Variants in TMEM132D observed in about 807,000 individuals in gnomAD.
TMEM132D encodes mature OL transmembrane protein.
TMEM132D carries 21 observed loss-of-function variants against 62.3 expected under a neutral mutation model. That is an observed-to-expected ratio of 0.34 (90% CI 0.24 to 0.49). The LOEUF (loss-of-function observed/expected upper bound fraction) is 0.49, where lower values mean the gene tolerates loss of function less well. TMEM132D is among the 20% of genes least tolerant of loss of function. TMEM132D has a pLI of 0.99. For synonymous variants in TMEM132D, 621 were observed against 575.6 expected (o/e 1.08, Z -1.13); for missense variants, 1,346 against 1,402.8 (o/e 0.96, Z 0.65).
At position 129,653,083 on chromosome 12, in the gene TMEM132D, G is replaced by C. The variant is rs80158712; in HGVS notation, c.968+46727C>G. Among the ~76,000 whole-genome samples, 1,505 of 152,316 alleles carry C rather than the reference G, an allele frequency of 9.9e-3. 51 individuals carry two copies. The South Asian group carries it at 0.11, about 12-fold the overall frequency. ...ATGGTCAAGGAAGCTCTGTTGGATG[G>C]GGTGGTGTTGAAGCTAGCCCAACCG... On this transcript the variant is annotated intron_variant, in intron 2 of 8. Transcript: ENST00000422113.
chr12:129,655,645 T>G (rs187660526), intron 2 of TMEM132D, among the ~76,000 whole-genome samples: 34 of 151,622 alleles, frequency 2.2e-4, no homozygotes, highest in African/African-American at 8.2e-4. Context: ...GAGAGGTGAC[T>G]CCACAAAACC....
chr12:129,675,315 T>G (rs965160544), intron 2 of TMEM132D, among the ~76,000 whole-genome samples: 2 of 151,614 alleles, frequency 1.3e-5, no homozygotes, highest in Admixed American at 1.3e-4. Context: ...TAAGTGGGAA[T>G]TGAACAATGA....
intron 5 of TMEM132D, among the ~76,000 whole-genome samples, chr12:129,188,443 C>T (rs73418233): frequency 0.051 from 7,838 of 152,270 alleles, 261 homozygotes; most frequent in African/African-American, 0.099. Context: ...CTCACTCTTT[C>T]AAGCCATCAG....
At chr12:129,830,231 A>G (rs1872789084) in intron 1 of TMEM132D, among the ~76,000 whole-genome samples, 1 of 152,150 alleles carries the variant, frequency 6.6e-6, no homozygotes, top group African/African-American at 2.4e-5. Context: ...ATATCCATCA[A>G]TACATACACA....
At chr12:129,832,490 T>C (rs1872873191) in intron 1 of TMEM132D, among the ~76,000 whole-genome samples, 1 of 152,162 alleles carries the variant, frequency 6.6e-6, no homozygotes, top group South Asian at 2.1e-4. Context: ...CACTAAACCA[T>C]GGAGCCTGTT....
chr12:129,137,908 T>C (rs574469179), intron 5 of TMEM132D, among the ~76,000 whole-genome samples: 75 of 152,042 alleles, frequency 4.9e-4, no homozygotes, highest in African/African-American at 1.8e-3. Flanking sequence ...TTTCTTTTAA[T>C]GCTATTATTG....
chr12:129,167,859 T>C (rs1443598434), intron 5 of TMEM132D, among the ~76,000 whole-genome samples: 1 of 152,022 alleles, frequency 6.6e-6, no homozygotes, highest in Non-Finnish European at 1.5e-5. Flanking sequence ...AGAACCACAC[T>C]TTATTCGGAA....
chr12:129,257,907 A>G (rs1314399226), intron 4 of TMEM132D, among the ~76,000 whole-genome samples: 1 of 152,204 alleles, frequency 6.6e-6, no homozygotes, highest in East Asian at 1.9e-4. Flanking sequence ...CTGGTGTCAG[A>G]GGCTCCCCGG....
At chr12:129,831,285 A>G (rs891446558) in intron 1 of TMEM132D, among the ~76,000 whole-genome samples, 1 of 152,256 alleles carries the variant, frequency 6.6e-6, no homozygotes, top group African/African-American at 2.4e-5. Context: ...GGGCACTGAC[A>G]GATGACCCTT....
intron 3 of TMEM132D, among the ~76,000 whole-genome samples, chr12:129,472,144 TGGAA>T (rs1285293316): frequency 6.6e-6 from 1 of 152,176 alleles, no homozygotes; most frequent in African/African-American, 2.4e-5. Context: ...TGCCTTCTGT[TGGAA>T]GAAGATGCCA....
intron 1 of TMEM132D, among the ~76,000 whole-genome samples, chr12:129,888,738 T>C (rs186337815): frequency 3.3e-5 from 5 of 152,244 alleles, no homozygotes; most frequent in Admixed American, 2.0e-4. Flanking sequence ...GGGTGGACTG[T>C]TGCTGTCCTG....
chr12:129,810,976 A>C (rs1414564933), intron 1 of TMEM132D, among the ~76,000 whole-genome samples: 3 of 152,098 alleles, frequency 2.0e-5, no homozygotes, highest in African/African-American at 7.2e-5. Flanking sequence ...AAATAAGATC[A>C]TTCAACAAGG....
intron 2 of TMEM132D, among the ~76,000 whole-genome samples, chr12:129,639,382 TAAAAAAAAA>T (rs34476667): frequency 1.1e-5 from 1 of 90,470 alleles, no homozygotes; most frequent in Non-Finnish European, 2.1e-5. Context: ...GACTCTGTCT[TAAAAAAAAA>T]AAAAAAAAAA....
intron 4 of TMEM132D, among the ~76,000 whole-genome samples, chr12:129,242,462 G>C (rs1055757070): frequency 6.6e-6 from 1 of 152,056 alleles, no homozygotes; most frequent in Non-Finnish European, 1.5e-5. Context: ...AATTTGATTA[G>C]TATAGTATAT....
At chr12:129,734,347 A>C (rs1236413530) in intron 1 of TMEM132D, among the ~76,000 whole-genome samples, 1 of 152,178 alleles carries the variant, frequency 6.6e-6, no homozygotes, top group Non-Finnish European at 1.5e-5. Context: ...CTGCTCCTTT[A>C]ACCAAAATCC....
rs1350598627 is a variant in TMEM132D at position 129,281,270 on chromosome 12, A to T, written c.1299+56364T>A. Among the ~76,000 whole-genome samples the T allele has an allele frequency of 3.3e-5, 5 of 151,984 alleles. No homozygotes were observed. The East Asian group carries it at 7.8e-4, about 24-fold the overall frequency. On this transcript the variant is annotated intron_variant, in intron 4 of 8. Transcript: ENST00000422113. ...CTGATCCCTACTTTATCTTACCCCCACTTCAGATTTATAGTCTTAACCAGG... is the reference window on the plus strand; with the variant it reads ...CTGATCCCTACTTTATCTTACCCCCTCTTCAGATTTATAGTCTTAACCAGG...
intron 4 of TMEM132D, among the ~76,000 whole-genome samples, chr12:129,294,462 C>T (rs1363456384): frequency 1.4e-5 from 2 of 142,602 alleles, no homozygotes; most frequent in East Asian, 4.6e-4. Context: ...ATGCTTAACA[C>T]AGGGCCTCTC....
intron 3 of TMEM132D, among the ~76,000 whole-genome samples, chr12:129,481,544 G>T (rs1389282590): frequency 1.2e-5 from 1 of 84,086 alleles, no homozygotes; most frequent in Non-Finnish European, 2.9e-5. Flanking sequence ...TTACAGAAGA[G>T]GAAATGCAAT....
At chr12:129,415,579 C>T (rs1362045316) in intron 3 of TMEM132D, among the ~76,000 whole-genome samples, 1 of 152,248 alleles carries the variant, frequency 6.6e-6, no homozygotes, top group Non-Finnish European at 1.5e-5. Context: ...TCACAAGATG[C>T]CTGCTGTGAT....
Sources: gnomAD v4.1 joint callset for allele counts (sites outside exome capture counted in the v4.1 genomes callset) on GRCh38, gnomAD v4.1.1 for gene constraint, MANE v1.5 for transcripts, NCBI Gene and HGNC (gene_info 2026-07-23, HGNC 2026-07-21) for gene names.